The following TREML4 variants were observed in gnomAD, a reference collection of about 807,000 sequenced individuals.
TREML4 encodes trem-like transcript 4 protein.
Under a neutral mutation model 25.4 loss-of-function variants are expected in TREML4, and 25 were observed. The ratio of observed to expected loss-of-function variants is 0.98; its 90% CI spans 0.72 to 1.37. The LOEUF (loss-of-function observed/expected upper bound fraction) is 1.37. TREML4 is among the 40% of genes most tolerant of loss of function. TREML4 has a pLI of 0.00. For missense variants in TREML4, 268 were observed against 236.5 expected (o/e 1.13, Z -0.87); for synonymous variants, 92 against 87.9 (o/e 1.05, Z -0.26).
intron 1 of TREML4, 65 bp from the exon 2 acceptor site, chr6:41,228,649 A>C: frequency 1.3e-6 from 2 of 1,529,186 alleles, no homozygotes; most frequent in Admixed American, 3.7e-5. Context: ...CCAGCCTGTG[A>C]TGGGGGAGGT....
chr6:41,228,434 TG>T lies in TREML4; in HGVS notation c.11del (p.Gly4ValfsTer93). The T allele has an allele frequency of 6.2e-7, 1 of 1,611,426 alleles. No homozygotes were observed. The highest frequency in any genetic ancestry group is 8.5e-7 in the Non-Finnish European group (1 of 1,178,934). MAWGGVHTCCFHL... is the reference protein window; with the variant it reads MAXGGVHTCCFHL... ...GAAACAGATCTGGGCTGGAATGGCC[TG>T]GGGTGGGGTCCACACCTGCTGCTTC... On this transcript the variant is annotated frameshift_variant, in exon 1 of 6. Transcript: ENST00000341495. LOFTEE classifies it high-confidence loss of function.
rs754062145 is a variant in TREML4 at position 41,230,083 on chromosome 6, G to T, written c.467G>T (p.Gly156Val). The part of the protein sequence containing the change: ...TSTVLITSPE[G>V]TSGHPSINGS... ...TTAGTTCTGATCACTTCTCCAGAGGGGACCTCTGGCCATCCCTCCATCAAT... is the reference window on the plus strand; with the variant it reads ...TTAGTTCTGATCACTTCTCCAGAGGTGACCTCTGGCCATCCCTCCATCAAT... The change falls in exon 4 of 6, where the codon GGG becomes GTG. Residue 156 changes from glycine to valine, a missense_variant. Coordinates refer to ENST00000341495, the MANE Select transcript of TREML4 (RefSeq NM_198153.3). 6.2e-7 allele frequency: 1 copy of T among 1,611,618 alleles called. No homozygotes were observed. The highest frequency in any genetic ancestry group is 1.7e-5 in the Admixed American group (1 of 60,002).
At chr6:41,230,230 G>T (rs755481057) in intron 4 of TREML4, 108 bp downstream of exon 4, 21 of 932,128 alleles carry the variant, frequency 2.3e-5, no homozygotes, top group Non-Finnish European at 3.6e-5. Context: ...CTTCTCTGGT[G>T]GGTTGGGGCA....
intron 4 of TREML4, chr6:41,231,127 A>G (rs1212631435): frequency 6.8e-6 from 3 of 441,626 alleles, no homozygotes; most frequent in South Asian, 4.8e-5. Context: ...CACAGATTCT[A>G]CATTATGTTG....
chr6:41,230,123 G>A lies in TREML4; in HGVS notation c.506+1G>A. On this transcript the variant is annotated splice_donor_variant, in intron 4 of 5. Coordinates refer to ENST00000341495, the MANE Select transcript of TREML4 (RefSeq NM_198153.3). LOFTEE classifies it high-confidence loss of function. Reference sequence around the variant, plus strand: ...CCTCCATCAATGGCTCTGAGACCAGGTAGGTCAGAGGTTTTAACACTGGGA... The same window carrying A: ...CCTCCATCAATGGCTCTGAGACCAGATAGGTCAGAGGTTTTAACACTGGGA... 1 of 1,606,924 alleles carries A rather than the reference G, an allele frequency of 6.2e-7. No individual in the cohort carries two copies. The highest frequency in any genetic ancestry group is 8.5e-7 in the Non-Finnish European group (1 of 1,173,508).
intron 4 of TREML4, among the ~76,000 whole-genome samples, chr6:41,234,103 C>T (rs898219288): frequency 2.6e-5 from 4 of 151,664 alleles, no homozygotes; most frequent in Non-Finnish European, 4.4e-5. Flanking sequence ...ATATAAGAAG[C>T]GTGAAGAAAT....
intron 4 of TREML4, among the ~76,000 whole-genome samples, chr6:41,236,128 G>A (rs1403121374): frequency 6.6e-6 from 1 of 151,444 alleles, no homozygotes; most frequent in East Asian, 2.0e-4. Flanking sequence ...ATCTTGGCTG[G>A]TCTTGAAGAT....
At chr6:41,229,181 C>G in intron 2 of TREML4, 137 bp downstream of exon 2, 1 of 783,088 alleles carries the variant, frequency 1.3e-6, no homozygotes, top group South Asian at 1.8e-5. Flanking sequence ...AGCAAAGATC[C>G]TGTCCCCAAA....
intron 3 of TREML4, 200 bp downstream of exon 3, chr6:41,229,771 C>T (rs1766751345): frequency 3.0e-6 from 2 of 656,132 alleles, no homozygotes; most frequent in South Asian, 1.7e-5. Context: ...CAGAAGATCG[C>T]CATGTTCTCA....
chr6:41,229,021 A>G lies in TREML4; in HGVS notation c.371A>G (p.Asn124Ser), dbSNP rs1420772969. 1.2e-6 allele frequency: 2 copies of G among 1,613,886 alleles called. No homozygotes were observed. Among genetic ancestry groups the G allele is most frequent in the Non-Finnish European group, 1.7e-6 (2 of 1,179,836 alleles). Residue 124 changes from asparagine to serine, a missense_variant, in exon 2 of 6, where the codon AAT (asparagine) becomes AGT (serine). By Grantham distance (46) the Asn-to-Ser change is conservative. Transcript: ENST00000341495. The part of the protein sequence containing the change: ...ASENIITVLR[N>S]ISLVVSPAPT... ...GAAAACATCATCACTGTTCTTAGAAATATCAGCCTGGTGGTGTCTCCAGGT... is the reference window on the plus strand; with the variant it reads ...GAAAACATCATCACTGTTCTTAGAAGTATCAGCCTGGTGGTGTCTCCAGGT...
At chr6:41,236,087 A>C (rs1278124704) in intron 4 of TREML4, among the ~76,000 whole-genome samples, 1 of 152,132 alleles carries the variant, frequency 6.6e-6, no homozygotes, top group African/African-American at 2.4e-5. Context: ...GGTCCTGTGC[A>C]GTCTCTAGGC....
intron 3 of TREML4, 57 bp from the exon 4 acceptor site, chr6:41,230,005 T>G (rs1166924355): frequency 1.4e-6 from 2 of 1,458,610 alleles, no homozygotes; most frequent in African/African-American, 2.8e-5. Context: ...TGGGACCCAA[T>G]CCCATTCTCT....
intron 4 of TREML4, among the ~76,000 whole-genome samples, chr6:41,235,413 A>G (rs1245584873): frequency 1.3e-5 from 2 of 152,324 alleles, no homozygotes; most frequent in East Asian, 3.9e-4. Flanking sequence ...AATTGATGGG[A>G]TCATCTACCC....
chr6:41,230,020 T>G (rs756426103), intron 3 of TREML4, 42 bp from the exon 4 acceptor site: 3 of 1,533,256 alleles, frequency 2.0e-6, no homozygotes, highest in Non-Finnish European at 1.8e-6. Context: ...TTCTCTATTC[T>G]GGTGCCCTGG....
chr6:41,234,936 G>A (rs970762206), intron 4 of TREML4, among the ~76,000 whole-genome samples: 8 of 151,778 alleles, frequency 5.3e-5, no homozygotes, highest in African/African-American at 1.2e-4. Flanking sequence ...TAAATTATAG[G>A]TTCATTTCTC....
intron 4 of TREML4, 41 bp downstream of exon 4, chr6:41,230,163 A>T (rs1251797887): frequency 6.6e-7 from 1 of 1,517,270 alleles, no homozygotes; most frequent in East Asian, 2.3e-5. Flanking sequence ...GGTCTTGGGA[A>T]GGGAGGGCCT....
chr6:41,229,018 GA>G lies in TREML4; in HGVS notation c.371del (p.Asn124IlefsTer27), dbSNP rs559343687. On this transcript the variant is annotated frameshift_variant, in exon 2 of 6. Coordinates refer to ENST00000341495, the MANE Select transcript of TREML4 (RefSeq NM_198153.3). LOFTEE classifies it high-confidence loss of function. ...TCCGAAAACATCATCACTGTTCTTA[GA>G]AATATCAGCCTGGTGGTGTCTCCAG... is the stretch of plus-strand genomic sequence containing the variant. ...NASENIITVL[R>X]NISLVVSPAP... is the part of the protein sequence containing the mutation. 159 of 1,613,934 alleles carry G rather than the reference GA, an allele frequency of 9.9e-5. No individual in the cohort carries two copies. In the African/African-American group the frequency reaches 2.0e-3, roughly 20 times the overall value.
intron 4 of TREML4, among the ~76,000 whole-genome samples, chr6:41,230,408 T>C (rs1275036726): frequency 6.6e-6 from 1 of 152,062 alleles, no homozygotes; most frequent in Non-Finnish European, 1.5e-5. Context: ...TTGGAGGCCG[T>C]GTTGGTGTGT....
intron 4 of TREML4, among the ~76,000 whole-genome samples, chr6:41,231,724 G>A (rs1766804147): frequency 6.6e-6 from 1 of 152,168 alleles, no homozygotes; most frequent in African/African-American, 2.4e-5. Context: ...GAATTCTCAT[G>A]GAAGGTCCTG....
Sources: allele counts gnomAD v4.1 joint callset (sites outside exome capture counted in the v4.1 genomes callset), GRCh38; gene constraint gnomAD v4.1.1; transcripts MANE v1.5; gene names NCBI Gene and HGNC (gene_info 2026-07-23, HGNC 2026-07-21).